The following SEMA6A variants were observed in gnomAD, a reference collection of about 807,000 sequenced individuals.
The protein encoded by SEMA6A is semaphorin-6A.
SEMA6A carries 25 observed loss-of-function variants against 96.8 expected under a neutral mutation model. That is an observed-to-expected ratio of 0.26 (90% CI 0.19 to 0.36). SEMA6A has a LOEUF of 0.36. Ranked by LOEUF, SEMA6A falls within the 10% of genes least tolerant of loss-of-function variation. SEMA6A has a pLI of 1.00. For synonymous variants in SEMA6A, 612 were observed against 518.0 expected, an observed-to-expected ratio of 1.18 and a Z score of -2.46; for missense variants, 1,363 against 1,323.1, an observed-to-expected ratio of 1.03 and a Z score of -0.47.
chr5:116,482,271 C>T (rs1027104604), intron 11 of SEMA6A, among the ~76,000 whole-genome samples, 173 bp downstream of exon 11: 2 of 152,036 alleles, frequency 1.3e-5, no homozygotes, highest in African/African-American at 4.8e-5. Flanking sequence ...ACTAGAGGAA[C>T]ATTGGTTTGA....
In SEMA6A at chr5:116,495,555, G is replaced by A. The variant is rs1410852425; in HGVS notation, c.343-41C>T. ...AACTGTTTTGTATCATGTCCATTCAGTACAGAAACTGATTCTTCACTGTAT... is the reference window on the plus strand; with the variant it reads ...AACTGTTTTGTATCATGTCCATTCAATACAGAAACTGATTCTTCACTGTAT... On this transcript the variant is annotated intron_variant, in intron 5 of 18. Coordinates refer to ENST00000343348, the MANE Select transcript of SEMA6A (RefSeq NM_020796.5). 10 of 1,389,076 alleles carry A rather than the reference G, an allele frequency of 7.2e-6. No individual in the cohort carries two copies. The South Asian group carries it at 8.7e-5, about 12-fold the overall frequency. The allele number at this position is 1,389,076 out of a possible 1,614,324, so 86.0% of individuals were successfully genotyped here. A position where few individuals can be genotyped will look rare whatever the true frequency, so the allele number is the denominator to read the frequency against.
At chr5:116,505,747 C>T (rs1038483840) in intron 1 of SEMA6A, among the ~76,000 whole-genome samples, 8 of 151,952 alleles carry the variant, frequency 5.3e-5, no homozygotes, top group African/African-American at 1.5e-4. Context: ...GCAGTGAAAT[C>T]GTAGTGAATA....
In SEMA6A at chr5:116,447,301, T is replaced by C. The variant is rs1225360692; in HGVS notation, c.2405A>G (p.Asp802Gly). 4 of 1,613,562 alleles carry C rather than the reference T, an allele frequency of 2.5e-6. No homozygotes were observed. The highest frequency in any genetic ancestry group is 1.3e-5 in the African/African-American group (1 of 74,940). ...PPMGSPVIPT[D>G]LPLRASPSHI... ...GCTGGGGGAGGCCCGCAGGGGCAGG[T>C]CCGTGGGAATCACAGGGGAGCCCAT... The change falls in exon 19 of 19, where the codon GAC (aspartate) becomes GGC (glycine). Residue 802 changes from aspartate (D) to glycine (G), a missense_variant. Asp to Gly is a moderately conservative substitution (Grantham distance 94). Transcript: ENST00000343348.
At chr5:116,532,188 G>A (rs557039752) in intron 1 of SEMA6A, among the ~76,000 whole-genome samples, 5 of 152,268 alleles carry the variant, frequency 3.3e-5, no homozygotes, top group Admixed American at 1.3e-4. Flanking sequence ...AACCTCCTGA[G>A]TCAACACCAT....
Position 116,551,299 on chromosome 5 carries a change from T to C in SEMA6A, c.-39+22886A>G, listed in dbSNP as rs940772808. ...CGTGTTACAAGTGTAGAATCAATTC[T>C]GCATGATAGTCTTAGCATACACACA... On this transcript the variant is annotated intron_variant, in intron 1 of 18. Transcript: ENST00000343348. 1.1e-4 allele frequency among the ~76,000 whole-genome samples: 15 copies of C among 141,754 alleles called. 1 individual carries two copies. The South Asian group carries it at 3.2e-3, about 31-fold the overall frequency. The allele number at this position is 141,754 out of a possible 152,430, so 93.0% of individuals were successfully genotyped here. A position where few individuals can be genotyped will look rare whatever the true frequency, so the allele number is the denominator to read the frequency against.
rs901062626 is a variant in SEMA6A at position 116,445,087 on chromosome 5, T to C, written c.*1526A>G. Reference sequence around the variant, plus strand: ...TCCAGTTGGCACAACTAGAAGGCAGTGTGAATTGGAGGGTGTGGTGCTGCC... The same window carrying C: ...TCCAGTTGGCACAACTAGAAGGCAGCGTGAATTGGAGGGTGTGGTGCTGCC... On this transcript the variant is annotated 3_prime_UTR_variant, in exon 19 of 19. Transcript: ENST00000343348. 6 of 152,664 alleles carry C rather than the reference T, an allele frequency of 3.9e-5. No homozygotes were observed. Among genetic ancestry groups the C allele is most frequent in the Non-Finnish European group, 8.8e-5 (6 of 68,066 alleles). 9.5% of individuals were successfully genotyped at this position (152,664 alleles called of 1,614,324 possible).
intron 1 of SEMA6A, among the ~76,000 whole-genome samples, chr5:116,561,297 C>A (rs1196050651): frequency 6.6e-6 from 1 of 152,164 alleles, no homozygotes; most frequent in East Asian, 1.9e-4. Context: ...AGTAAGCTGA[C>A]TTCTAATTCT....
chr5:116,554,265 A>G (rs1481958993), intron 1 of SEMA6A, among the ~76,000 whole-genome samples: 1 of 152,198 alleles, frequency 6.6e-6, no homozygotes, highest in Non-Finnish European at 1.5e-5. Context: ...CAGAGGAAAA[A>G]AAGAGGAGAG....
chr5:116,573,179 T>A (rs763261721), intron 1 of SEMA6A, among the ~76,000 whole-genome samples: 7 of 152,126 alleles, frequency 4.6e-5, no homozygotes, highest in Non-Finnish European at 1.0e-4. Context: ...ACTGCCCGGC[T>A]TACTCTCCAG....
intron 17 of SEMA6A, chr5:116,472,620 A>G (rs1756215862): frequency 4.9e-6 from 2 of 412,188 alleles, no homozygotes; most frequent in East Asian, 4.4e-5. Flanking sequence ...TCAAGAACTC[A>G]TTAAATGTAT....
chr5:116,568,980 T>G (rs1761111396), intron 1 of SEMA6A, among the ~76,000 whole-genome samples: 1 of 152,246 alleles, frequency 6.6e-6, no homozygotes, highest in South Asian at 2.1e-4. Flanking sequence ...GATTCACTGT[T>G]TATTCATTCA....
rs770042743 is a variant in SEMA6A at position 116,486,807 on chromosome 5, C to T, written c.904G>A (p.Val302Met). ...ACATCACGCCCGTTGATACGAATCA[C>T]ATCTGTAACTGCCTGGAGAATGTTG... ...YFNILQAVTD[V>M]IRINGRDVVL... The change falls in exon 10 of 19, where the codon GTG (valine) becomes ATG (methionine). Residue 302 changes from valine (V) to methionine (M), a missense_variant. Physicochemically the swap from Val to Met is conservative, Grantham distance 21. Around this residue, in one of 2 missense-constraint regions of SEMA6A, gnomAD observed 480 missense variants for 559.5 expected, o/e 0.86. Coordinates refer to ENST00000343348, the MANE Select transcript of SEMA6A (RefSeq NM_020796.5). 1.2e-6 allele frequency: 2 copies of T among 1,613,744 alleles called. No individual in the cohort carries two copies. Among genetic ancestry groups the T allele is most frequent in the South Asian group, 1.1e-5 (1 of 91,086 alleles).
At chr5:116,489,784 C>T (rs1216656471) in intron 7 of SEMA6A, among the ~76,000 whole-genome samples, 1 of 152,186 alleles carries the variant, frequency 6.6e-6, no homozygotes, top group Non-Finnish European at 1.5e-5. Context: ...ATAAAGCAGA[C>T]TGAAGATTAG....
At chr5:116,450,211 G>C (rs1157651494) in intron 18 of SEMA6A, among the ~76,000 whole-genome samples, 2 of 152,212 alleles carry the variant, frequency 1.3e-5, no homozygotes, top group Non-Finnish European at 2.9e-5. Flanking sequence ...GGTGATTTCA[G>C]TGGGAGTTGA....
chr5:116,561,231 T>C (rs2112904926), intron 1 of SEMA6A, among the ~76,000 whole-genome samples: 1 of 152,292 alleles, frequency 6.6e-6, no homozygotes, highest in South Asian at 2.1e-4. Flanking sequence ...TTTTGAAAAA[T>C]ACAAGCACTA....
intron 1 of SEMA6A, among the ~76,000 whole-genome samples, chr5:116,535,603 G>C (rs990415604): frequency 2.0e-5 from 3 of 152,130 alleles, no homozygotes; most frequent in Admixed American, 6.5e-5. Flanking sequence ...ATTTATAATA[G>C]ATGTCCTACT....
rs35462997 is a variant in SEMA6A at position 116,447,423 on chromosome 5, G to T, written c.2283C>A (p.Thr761=). The T allele has an allele frequency of 1.2e-6, 2 of 1,614,066 alleles. No homozygotes were observed. The highest frequency in any genetic ancestry group is 1.6e-4 in the Middle Eastern group (1 of 6,062). The stretch of plus-strand genomic sequence containing the variant: ...GCTTCCGCTTCTGCTGCAGCGTTGG[G>T]GTTGACTCTGGGGTGGGGAGGGCCG... ...DLTALPTPES[T]PTLQQKRKPS... The change falls in exon 19 of 19, where the codon ACC becomes ACA. Residue 761 remains threonine (T), a synonymous_variant. Coordinates refer to ENST00000343348, the MANE Select transcript of SEMA6A (RefSeq NM_020796.5).
intron 18 of SEMA6A, among the ~76,000 whole-genome samples, chr5:116,453,127 C>A (rs1389767889): frequency 6.6e-6 from 1 of 152,138 alleles, no homozygotes; most frequent in Non-Finnish European, 1.5e-5. Context: ...AAGGGAAGGC[C>A]GTAGTGAGTA....
rs147804155 is a variant in SEMA6A, at chr5:116,526,650, ATTAC to A, written c.-38-21672_-38-21669del. Among the ~76,000 whole-genome samples the A allele has an allele frequency of 6.3e-3, 958 of 152,330 alleles. 7 individuals carry two copies. The highest frequency in any genetic ancestry group is 0.022 in the African/African-American group (905 of 41,570). ...GTTTTAACTTTTCCAAGGGGCTTAT[ATTAC>A]TTACTTAGCTCACTTTATAATGAAC... is the stretch of plus-strand genomic sequence containing the variant. On this transcript the variant is annotated intron_variant, in intron 1 of 18. Transcript: ENST00000343348.
Sources: gnomAD v4.1 joint callset for allele counts (sites outside exome capture counted in the v4.1 genomes callset) on GRCh38, gnomAD v4.1.1 for gene constraint, gnomAD v4.1.1 regional missense constraint, MANE v1.5 for transcripts, NCBI Gene and HGNC (gene_info 2026-07-23, HGNC 2026-07-21) for gene names.